Variants in PBRM1 observed in about 807,000 individuals in gnomAD.
The protein encoded by PBRM1 is protein polybromo-1.
In PBRM1, 27 loss-of-function variants were observed where a neutral mutation model predicts 194.5. The ratio of observed to expected loss-of-function variants is 0.14; its 90% CI spans 0.10 to 0.19. The LOEUF (loss-of-function observed/expected upper bound fraction) is 0.19. Ranked by LOEUF, PBRM1 falls within the 10% of genes least tolerant of loss-of-function variation. The pLI is 1.00. For synonymous variants in PBRM1, 655 were observed against 693.2 expected, an observed-to-expected ratio of 0.94 and a Z score of 0.87; for missense variants, 1,466 against 2,077.2, an observed-to-expected ratio of 0.71 and a Z score of 5.72.
At chr3:52,584,926 A>G (rs1056803430) in intron 20 of PBRM1, among the ~76,000 whole-genome samples, 1 of 152,100 alleles carries the variant, frequency 6.6e-6, no homozygotes, top group Non-Finnish European at 1.5e-5. Flanking sequence ...TATGAATTTA[A>G]AAAAAAATTA....
intron 22 of PBRM1, among the ~76,000 whole-genome samples, chr3:52,569,433 A>T (rs563392135): frequency 6.6e-6 from 1 of 151,814 alleles, no homozygotes; most frequent in Admixed American, 6.6e-5. Flanking sequence ...GATGGTCCTG[A>T]TCTCCTGACC....
chr3:52,631,288 T>C (rs1034074205), intron 11 of PBRM1, among the ~76,000 whole-genome samples: 2 of 151,078 alleles, frequency 1.3e-5, no homozygotes, highest in African/African-American at 2.4e-5. Context: ...CTGGGCAATA[T>C]GGCAAAACCC....
chr3:52,550,372 CT>C (rs779166592), intron 29 of PBRM1, 48 bp downstream of exon 31: 15 of 1,004,332 alleles, frequency 1.5e-5, no homozygotes, highest in Non-Finnish European at 2.1e-5. Flanking sequence ...AGTAAGACAG[CT>C]TTGAGGAAGC....
chr3:52,666,056 G>C (rs183980830), intron 3 of PBRM1, among the ~76,000 whole-genome samples: 1 of 151,746 alleles, frequency 6.6e-6, no homozygotes, highest in Non-Finnish European at 1.5e-5. Flanking sequence ...GGTAATAAGA[G>C]GAAAAAAGTT....
exon 30 of PBRM1, chr3:52,548,216 A>G: frequency 6.3e-7 from 1 of 1,587,248 alleles, no homozygotes; most frequent in South Asian, 1.2e-5. Flanking sequence ...CTTTCGACAA[A>G]TGGACGTCGC....
At chr3:52,625,045 C>A in intron 13 of PBRM1, 104 bp from the exon 15 acceptor site, 2 of 759,682 alleles carry the variant, frequency 2.6e-6, no homozygotes, top group South Asian at 1.5e-5. Context: ...ATTATTCAGT[C>A]CAAAGTACCA....
chr3:52,620,699 G>A (rs775407808), intron 13 of PBRM1, among the ~76,000 whole-genome samples: 4 of 152,114 alleles, frequency 2.6e-5, no homozygotes, highest in Non-Finnish European at 5.9e-5. Context: ...CCCAGAATGT[G>A]GAAATCTAGT....
At chr3:52,655,769 A>G (rs2096596281) in intron 5 of PBRM1, among the ~76,000 whole-genome samples, 1 of 152,222 alleles carries the variant, frequency 6.6e-6, no homozygotes, top group Non-Finnish European at 1.5e-5. Context: ...TAACTATCCT[A>G]TAGCTAGTCA....
chr3:52,678,723 T>C, intron 1 of PBRM1, 126 bp from the exon 3 acceptor site: 1 of 602,238 alleles, frequency 1.7e-6, no homozygotes, highest in East Asian at 2.8e-5. Context: ...CTCTCAATAT[T>C]ACCAAACATG....
intron 4 of PBRM1, among the ~76,000 whole-genome samples, chr3:52,661,045 A>C (rs72950430): frequency 0.073 from 11,029 of 150,592 alleles, 945 homozygotes; most frequent in African/African-American, 0.21. Context: ...TTTTTTTTTG[A>C]GATGGAGTCT....
At chr3:52,680,995 G>T (rs1436289992), upstream of PBRM1, among the ~76,000 whole-genome samples, 1 of 151,864 alleles carries the variant, frequency 6.6e-6, no homozygotes, top group Admixed American at 6.6e-5. Flanking sequence ...AGCCCCTGAG[G>T]TAGTCAGGCA....
chr3:52,637,485 T>G lies in PBRM1; in HGVS notation c.1088-2670A>C, dbSNP rs543191216. Among the ~76,000 whole-genome samples the G allele has an allele frequency of 2.0e-5, 3 of 151,940 alleles. No homozygotes were observed. In the South Asian group the frequency reaches 6.2e-4, roughly 32 times the overall value. On this transcript the variant is annotated intron_variant, in intron 10 of 29. Transcript: ENST00000296302. ...CATCTCTATCACAAATATAAAAAAT[T>G]TGCTGGGTGTGGTGGCATGTGCCTG...
intron 26 of PBRM1, among the ~76,000 whole-genome samples, chr3:52,555,596 C>A (rs2082058563): frequency 6.6e-6 from 1 of 152,202 alleles, no homozygotes; most frequent in South Asian, 2.1e-4. Context: ...AGCCTACACA[C>A]AGACTTTACG....
intron 13 of PBRM1, among the ~76,000 whole-genome samples, chr3:52,618,442 C>T (rs1345743956): frequency 6.6e-6 from 1 of 152,174 alleles, no homozygotes; most frequent in Non-Finnish European, 1.5e-5. Context: ...AAGCAATGAT[C>T]TTCCGATATG....
downstream of PBRM1, chr3:52,547,380 T>C (rs138125541): frequency 1.2e-3 from 290 of 233,182 alleles, 1 homozygote; most frequent in African/African-American, 6.0e-3. Flanking sequence ...AGGAGGTACA[T>C]TAGCTGCAGA....
intron 4 of PBRM1, among the ~76,000 whole-genome samples, chr3:52,658,992 T>TCTTACAGGACAATGACTA: frequency 6.6e-6 from 1 of 152,212 alleles, no homozygotes; most frequent in Non-Finnish European, 1.5e-5. Flanking sequence ...TCTATTGAAG[T>TCTTACAGGACAATGACTA]CTTACAGGAC....
chr3:52,591,680 C>G (rs942979465), intron 17 of PBRM1, among the ~76,000 whole-genome samples: 1 of 151,144 alleles, frequency 6.6e-6, no homozygotes, highest in South Asian at 2.1e-4. Flanking sequence ...CCACCATGCC[C>G]GGCTAATTTT....
At chr3:52,598,759 G>A (rs563078900) in intron 17 of PBRM1, among the ~76,000 whole-genome samples, 12 of 152,124 alleles carry the variant, frequency 7.9e-5, no homozygotes, top group Non-Finnish European at 1.3e-4. Context: ...AGTGGCTCAC[G>A]CCTGTAATCC....
chr3:52,651,500 T>C (rs2096492199), intron 6 of PBRM1, among the ~76,000 whole-genome samples: 1 of 152,182 alleles, frequency 6.6e-6, no homozygotes, highest in Non-Finnish European at 1.5e-5. Context: ...AAAAATGAAA[T>C]AAATCTTTTG....
Sources: gnomAD v4.1 joint callset for allele counts (sites outside exome capture counted in the v4.1 genomes callset) on GRCh38, gnomAD v4.1.1 for gene constraint, MANE v1.5 for transcripts, NCBI Gene and HGNC (gene_info 2026-07-23, HGNC 2026-07-21) for gene names.